NCAM2: variants seen among roughly 807,000 people sequenced by gnomAD.
NCAM2 encodes N-CAM-2.
NCAM2 carries 30 observed loss-of-function variants against 98.1 expected under a neutral mutation model. The observed-to-expected ratio is 0.31, with a 90% CI of 0.23 to 0.41. The LOEUF is 0.41. NCAM2 is among the 10% of genes least tolerant of loss of function. The probability of loss-of-function intolerance (pLI) is 1.00; values close to 1 mark genes in which losing one functional copy is unlikely to be tolerated. For missense variants in NCAM2, 867 were observed against 1,005.8 expected (o/e 0.86, Z 1.87); for synonymous variants, 368 against 342.4 (o/e 1.07, Z -0.83).
intron 1 of NCAM2, chr21:21,147,267 T>C: frequency 4.1e-6 from 4 of 983,562 alleles, no homozygotes; most frequent in Non-Finnish European, 4.8e-6. Flanking sequence ...TATTCAGAGA[T>C]GTGTCACTGA....
intron 1 of NCAM2, among the ~76,000 whole-genome samples, chr21:21,154,443 T>C (rs1275877838): frequency 6.6e-6 from 1 of 151,844 alleles, no homozygotes; most frequent in Admixed American, 6.6e-5. Context: ...GATTTCATAG[T>C]GGTTCCATTA....
At chr21:21,158,007 C>A (rs2084106565) in intron 1 of NCAM2, among the ~76,000 whole-genome samples, 1 of 152,114 alleles carries the variant, frequency 6.6e-6, no homozygotes, top group South Asian at 2.1e-4. Flanking sequence ...GCCTGAACCT[C>A]ACTTCTGAAA....
chr21:21,217,865 C>G (rs2069969185), intron 1 of NCAM2, among the ~76,000 whole-genome samples: 1 of 152,132 alleles, frequency 6.6e-6, no homozygotes, highest in Non-Finnish European at 1.5e-5. Flanking sequence ...GGACCGAAAA[C>G]AGGATGGAGG....
chr21:21,519,586 C>CA (rs72554414), intron 16 of NCAM2, among the ~76,000 whole-genome samples: 152,205 of 152,206 alleles, frequency 1, 76,102 homozygotes, highest in Middle Eastern at 1. Flanking sequence ...ATTTGTCCAC[C>CA]ACACCTCTGT....
intron 5 of NCAM2, among the ~76,000 whole-genome samples, chr21:21,302,000 T>G (rs2073729433): frequency 7.0e-6 from 1 of 142,912 alleles, no homozygotes; most frequent in Non-Finnish European, 1.5e-5. Flanking sequence ...AGGAACACTT[T>G]TACACTGTTG....
At chr21:21,019,813 G>C (rs1437102896) in intron 1 of NCAM2, among the ~76,000 whole-genome samples, 5 of 151,966 alleles carry the variant, frequency 3.3e-5, no homozygotes, top group African/African-American at 1.2e-4. Context: ...CGCATACTTC[G>C]CTAAGTGCCT....
rs577846509 is a variant in NCAM2, at chr21:21,444,933, G to A, written c.1654+12652G>A. Among the ~76,000 whole-genome samples the A allele has an allele frequency of 1.1e-3, 169 of 152,058 alleles. 1 individual carries two copies. The highest frequency in any genetic ancestry group is 2.8e-3 in the Admixed American group (43 of 15,230). On this transcript the variant is annotated intron_variant, in intron 12 of 17. Transcript: ENST00000400546. ...CTTTTAAGTGTGATGTTAGGGTGTC[G>A]ATTTGAGATCTTTCTAGCTTTCTGA...
intron 12 of NCAM2, among the ~76,000 whole-genome samples, chr21:21,442,849 G>T (rs772729725): frequency 1.2e-4 from 18 of 152,102 alleles, no homozygotes; most frequent in Non-Finnish European, 2.6e-4. Context: ...AGAAAATATT[G>T]ATATGAGTCT....
At chr21:21,453,752 A>T (rs761356908) in intron 12 of NCAM2, among the ~76,000 whole-genome samples, 1 of 152,216 alleles carries the variant, frequency 6.6e-6, no homozygotes, top group East Asian at 1.9e-4. Flanking sequence ...TTTCTACATT[A>T]AACAAATGAT....
chr21:21,273,410 A>G lies in NCAM2; in HGVS notation c.56-7168A>G, dbSNP rs980542382. Among the ~76,000 whole-genome samples, 11 of 152,194 alleles carry G rather than the reference A, an allele frequency of 7.2e-5. No individual in the cohort carries two copies. The East Asian group carries it at 2.1e-3, about 29-fold the overall frequency. On this transcript the variant is annotated intron_variant, in intron 1 of 17. Coordinates refer to ENST00000400546, the MANE Select transcript of NCAM2 (RefSeq NM_004540.5). ...GAGATACCATATACTACTATATACT[A>G]TACTATATACTATCCTTACTAATAT...
At chr21:21,471,590 T>A (rs1984447296) in intron 14 of NCAM2, among the ~76,000 whole-genome samples, 1 of 152,058 alleles carries the variant, frequency 6.6e-6, no homozygotes, top group African/African-American at 2.4e-5. Context: ...CTTCTTGATT[T>A]CTTCTTTGGC....
At chr21:21,289,464 G>A (rs1401121143) in intron 4 of NCAM2, among the ~76,000 whole-genome samples, 1 of 151,918 alleles carries the variant, frequency 6.6e-6, no homozygotes, top group African/African-American at 2.4e-5. Context: ...TGCCTGCCAG[G>A]AGGAAAAAGT....
intron 1 of NCAM2, among the ~76,000 whole-genome samples, chr21:21,211,519 A>C (rs1028848651): frequency 6.6e-6 from 1 of 152,210 alleles, no homozygotes; most frequent in Admixed American, 6.5e-5. Flanking sequence ...TGTTAGTGGG[A>C]ATTATTTTAT....
intron 9 of NCAM2, among the ~76,000 whole-genome samples, chr21:21,384,787 G>A (rs984442765): frequency 6.6e-6 from 1 of 151,950 alleles, no homozygotes; most frequent in Non-Finnish European, 1.5e-5. Context: ...TACTTAAGTA[G>A]AAAGTAATAT....
chr21:21,381,139 T>C (rs181534875), intron 9 of NCAM2, among the ~76,000 whole-genome samples: 204 of 152,334 alleles, frequency 1.3e-3, no homozygotes, highest in Non-Finnish European at 2.5e-3. Context: ...CAGTCAGTAA[T>C]TAACAGGGTC....
intron 1 of NCAM2, among the ~76,000 whole-genome samples, chr21:21,027,046 C>T (rs956279555): frequency 2.0e-5 from 3 of 151,782 alleles, no homozygotes; most frequent in Non-Finnish European, 4.4e-5. Flanking sequence ...TTAGTAGAGA[C>T]GTGGTGTCAC....
At chr21:21,216,639 A>G (rs2069912077) in intron 1 of NCAM2, among the ~76,000 whole-genome samples, 2 of 152,200 alleles carry the variant, frequency 1.3e-5, no homozygotes, top group Admixed American at 6.5e-5. Flanking sequence ...GGGCTGAACC[A>G]TGCATGCCCA....
intron 1 of NCAM2, among the ~76,000 whole-genome samples, chr21:21,222,256 C>A (rs1269810280): frequency 6.6e-6 from 1 of 152,128 alleles, no homozygotes; most frequent in Non-Finnish European, 1.5e-5. Flanking sequence ...TTCATGCCTG[C>A]TAAAACAACA....
chr21:21,264,874 A>G (rs893643576), intron 1 of NCAM2, among the ~76,000 whole-genome samples: 4 of 119,744 alleles, frequency 3.3e-5, no homozygotes, highest in African/African-American at 1.2e-4. Flanking sequence ...GTGTGTGTTC[A>G]TAGTGGGATA....
Sources: allele counts gnomAD v4.1 joint callset (sites outside exome capture counted in the v4.1 genomes callset), GRCh38; gene constraint gnomAD v4.1.1; transcripts MANE v1.5; gene names NCBI Gene and HGNC (gene_info 2026-07-23, HGNC 2026-07-21).